Variants in JAZF1 observed in about 807,000 individuals in gnomAD.
JAZF1 encodes juxtaposed with another zinc finger protein 1.
In JAZF1, 8 loss-of-function variants were observed where a neutral mutation model predicts 26.4. The observed-to-expected ratio is 0.30, with a 90% CI of 0.18 to 0.55. The LOEUF (loss-of-function observed/expected upper bound fraction) is 0.55. Ranked by LOEUF, JAZF1 falls within the 20% of genes least tolerant of loss-of-function variation. JAZF1 has a pLI of 0.94. For synonymous variants in JAZF1, 126 were observed against 122.3 expected (o/e 1.03, Z -0.20); for missense variants, 199 against 322.0 (o/e 0.62, Z 2.92).
chr7:28,007,118 T>G (rs751740439), intron 1 of JAZF1, among the ~76,000 whole-genome samples: 1 of 152,126 alleles, frequency 6.6e-6, no homozygotes. Flanking sequence ...CAGGTAAAAG[T>G]ATGCTATTCC....
intron 3 of JAZF1, chr7:27,841,238 C>T (rs867178098): frequency 3.5e-5 from 7 of 199,790 alleles, no homozygotes; most frequent in Non-Finnish European, 7.1e-5. Flanking sequence ...ACTCCCCATG[C>T]TAGTGCCTGA....
At chr7:27,859,994 G>A (rs1783348676) in intron 3 of JAZF1, among the ~76,000 whole-genome samples, 2 of 152,292 alleles carry the variant, frequency 1.3e-5, no homozygotes, top group South Asian at 4.1e-4. Context: ...TGTTATTGCT[G>A]GTTTTTGAAC....
At chr7:28,083,028 C>T (rs1784160445) in intron 1 of JAZF1, among the ~76,000 whole-genome samples, 1 of 152,220 alleles carries the variant, frequency 6.6e-6, no homozygotes, top group Admixed American at 6.5e-5. Context: ...CACATTTTCT[C>T]ACCTCCTTTG....
At chr7:28,016,128 C>T (rs929499337) in intron 1 of JAZF1, among the ~76,000 whole-genome samples, 14 of 152,188 alleles carry the variant, frequency 9.2e-5, no homozygotes, top group African/African-American at 3.1e-4. Context: ...AGCCAGTTGG[C>T]CATTTCCCTC....
chr7:28,001,420 C>T (rs1786159169), intron 1 of JAZF1, among the ~76,000 whole-genome samples: 1 of 152,002 alleles, frequency 6.6e-6, no homozygotes, highest in Non-Finnish European at 1.5e-5. Flanking sequence ...CTAAGACAGA[C>T]TACAATGTTT....
intron 4 of JAZF1, among the ~76,000 whole-genome samples, chr7:27,837,176 C>CA (rs70977006): frequency 0.028 from 4,272 of 152,194 alleles, 85 homozygotes; most frequent in Non-Finnish European, 0.043. Flanking sequence ...CAAAACAAAA[C>CA]AAAAAAACTT....
At chr7:28,056,363 T>C (rs1308626303) in intron 1 of JAZF1, among the ~76,000 whole-genome samples, 4 of 151,844 alleles carry the variant, frequency 2.6e-5, no homozygotes, top group East Asian at 1.9e-4. Flanking sequence ...GTCTTTACCA[T>C]ATAAAAATTA....
At chr7:27,983,808 A>C (rs918799195) in intron 2 of JAZF1, among the ~76,000 whole-genome samples, 2 of 152,256 alleles carry the variant, frequency 1.3e-5, no homozygotes, top group Admixed American at 1.3e-4. Context: ...ACATTCTTAA[A>C]GAAAAGGATT....
At chr7:27,987,630 C>T (rs527240363) in intron 2 of JAZF1, among the ~76,000 whole-genome samples, 17 of 152,156 alleles carry the variant, frequency 1.1e-4, no homozygotes, top group South Asian at 6.2e-4. Flanking sequence ...TGCCTCTGCC[C>T]GGCTGCCCCA....
At chr7:27,970,508 G>A (rs997888539) in intron 2 of JAZF1, among the ~76,000 whole-genome samples, 4 of 152,148 alleles carry the variant, frequency 2.6e-5, no homozygotes, top group African/African-American at 4.8e-5. Flanking sequence ...GCCTGTAACC[G>A]AAATGTAGCA....
intron 1 of JAZF1, among the ~76,000 whole-genome samples, chr7:28,070,813 T>G (rs1050660935): frequency 1.3e-5 from 2 of 152,262 alleles, no homozygotes; most frequent in African/African-American, 4.8e-5. Flanking sequence ...GTACTCGGGC[T>G]TATTTCTTAC....
chr7:28,093,597 T>G (rs992366796), intron 1 of JAZF1, among the ~76,000 whole-genome samples: 7 of 152,238 alleles, frequency 4.6e-5, no homozygotes, highest in Non-Finnish European at 8.8e-5. Flanking sequence ...TATGTTCCTT[T>G]CAATTTACTA....
intron 2 of JAZF1, among the ~76,000 whole-genome samples, chr7:27,906,725 A>T (rs920043806): frequency 3.3e-5 from 5 of 152,214 alleles, no homozygotes; most frequent in African/African-American, 1.2e-4. Flanking sequence ...TTTGGTTTGG[A>T]GACCAATGGA....
At chr7:28,151,940 T>C (rs541434462) in intron 1 of JAZF1, among the ~76,000 whole-genome samples, 9 of 152,372 alleles carry the variant, frequency 5.9e-5, no homozygotes, top group African/African-American at 1.9e-4. Context: ...TGGCTCATGT[T>C]GACATATACT....
intron 2 of JAZF1, 34 bp downstream of exon 2, chr7:27,991,874 TA>T: frequency 1.8e-6 from 2 of 1,093,190 alleles, no homozygotes; most frequent in Non-Finnish European, 2.8e-6. Context: ...GCAGCAGATA[TA>T]AGGTTGTTAT....
At chr7:27,933,477 A>T (rs1029181870) in intron 2 of JAZF1, among the ~76,000 whole-genome samples, 3 of 152,254 alleles carry the variant, frequency 2.0e-5, no homozygotes, top group African/African-American at 7.2e-5. Context: ...CAAAAAACAC[A>T]CATAAATATT....
chr7:28,117,149 T>C (rs1034385138), intron 1 of JAZF1, among the ~76,000 whole-genome samples: 1 of 152,248 alleles, frequency 6.6e-6, no homozygotes, highest in African/African-American at 2.4e-5. Context: ...AACTGTCCAC[T>C]GCAAATAGTT....
intron 1 of JAZF1, among the ~76,000 whole-genome samples, chr7:28,036,309 C>G (rs1457264660): frequency 3.3e-5 from 5 of 152,346 alleles, no homozygotes; most frequent in Non-Finnish European, 5.9e-5. Flanking sequence ...TAACAAACTA[C>G]TGACATAGTA....
rs188332779 is a variant in JAZF1 at position 27,932,961 on chromosome 7, C to G, written c.189-37545G>C. On this transcript the variant is annotated intron_variant, in intron 2 of 4. Transcript: ENST00000283928. ...ACCAGACATGTGTAAAGATGATATA[C>G]AAGATCTGGTAACGATGGCTGTCAT... Among the ~76,000 whole-genome samples, 7 of 152,232 alleles carry G rather than the reference C, an allele frequency of 4.6e-5. No individual in the cohort carries two copies. The East Asian group carries it at 1.3e-3, about 29-fold the overall frequency.
Sources: gnomAD v4.1 joint callset for allele counts (sites outside exome capture counted in the v4.1 genomes callset) on GRCh38, gnomAD v4.1.1 for gene constraint, MANE v1.5 for transcripts, NCBI Gene and HGNC (gene_info 2026-07-23, HGNC 2026-07-21) for gene names.